The following TMEM156 variants were observed in gnomAD, a reference collection of about 807,000 sequenced individuals.
TMEM156 encodes the protein transmembrane protein 156.
In TMEM156, 28 loss-of-function variants were observed where a neutral mutation model predicts 30.5. The observed-to-expected ratio is 0.92, with a 90% CI of 0.68 to 1.26. TMEM156 has a LOEUF of 1.26. Among genes scored for constraint, TMEM156 ranks in the 50% most tolerant of loss-of-function variants. The pLI is 0.00. For missense variants in TMEM156, 351 were observed against 340.6 expected, an observed-to-expected ratio of 1.03 and a Z score of -0.24; for synonymous variants, 137 against 119.9, an observed-to-expected ratio of 1.14 and a Z score of -0.93.
At chr4:39,024,968 G>A (rs1437670541) in intron 1 of TMEM156, among the ~76,000 whole-genome samples, 1 of 152,124 alleles carries the variant, frequency 6.6e-6, no homozygotes, top group Non-Finnish European at 1.5e-5. Flanking sequence ...GTCAGGATAG[G>A]AGAAACCTTA....
At chr4:39,013,513 G>T (rs1003876924) in intron 1 of TMEM156, among the ~76,000 whole-genome samples, 12 of 151,718 alleles carry the variant, frequency 7.9e-5, no homozygotes, top group Non-Finnish European at 1.8e-4. Context: ...GATTTCCCCT[G>T]CCTCAGCCTC....
At chr4:39,018,332 C>A (rs1714636549) in intron 1 of TMEM156, among the ~76,000 whole-genome samples, 1 of 152,168 alleles carries the variant, frequency 6.6e-6, no homozygotes, top group Admixed American at 6.5e-5. Flanking sequence ...CTTGTTTTTT[C>A]ACTGACATAC....
intron 5 of TMEM156, among the ~76,000 whole-genome samples, chr4:38,976,472 G>C (rs566689361): frequency 6.6e-6 from 1 of 152,048 alleles, no homozygotes; most frequent in African/African-American, 2.4e-5. Context: ...CCGAGTGAGC[G>C]TAGATGCATA....
chr4:39,013,455 C>T (rs1265822313), intron 1 of TMEM156, among the ~76,000 whole-genome samples: 1 of 147,988 alleles, frequency 6.8e-6, no homozygotes, highest in Non-Finnish European at 1.5e-5. Context: ...GGCTGGAGTG[C>T]AGTGGCACGA....
At chr4:39,028,012 C>T (rs918798896) in intron 1 of TMEM156, among the ~76,000 whole-genome samples, 31 of 150,410 alleles carry the variant, frequency 2.1e-4, no homozygotes, top group African/African-American at 6.5e-4. Flanking sequence ...CCAGCTTGGC[C>T]TCCCAAAGTA....
At chr4:38,984,918 C>T (rs1267712365) in intron 5 of TMEM156, among the ~76,000 whole-genome samples, 3 of 152,170 alleles carry the variant, frequency 2.0e-5, no homozygotes, top group Non-Finnish European at 4.4e-5. Context: ...GTCACAGGCT[C>T]ATAAATACAA....
intron 1 of TMEM156, among the ~76,000 whole-genome samples, chr4:39,018,297 C>T (rs1714634164): frequency 6.6e-6 from 1 of 152,162 alleles, no homozygotes; most frequent in South Asian, 2.1e-4. Flanking sequence ...TTAAAGGTTA[C>T]TTTTATACAG....
chr4:39,016,754 T>G (rs953403083), intron 1 of TMEM156, among the ~76,000 whole-genome samples: 4 of 152,220 alleles, frequency 2.6e-5, no homozygotes, highest in African/African-American at 9.6e-5. Context: ...GAGAAGTATA[T>G]TAAAGATTGT....
intron 1 of TMEM156, among the ~76,000 whole-genome samples, chr4:39,021,625 C>G (rs1005115468): frequency 6.6e-6 from 1 of 152,114 alleles, no homozygotes; most frequent in African/African-American, 2.4e-5. Flanking sequence ...CTTTGCTATG[C>G]AGAAGATTTT....
intron 5 of TMEM156, among the ~76,000 whole-genome samples, chr4:38,982,071 G>A (rs985180218): frequency 3.3e-5 from 5 of 152,324 alleles, no homozygotes; most frequent in African/African-American, 1.2e-4. Context: ...AGGCAGACCT[G>A]CCCTCAATCT....
At chr4:38,988,709 A>G (rs1293698728) in intron 4 of TMEM156, 142 bp downstream of exon 4, 2 of 1,114,342 alleles carry the variant, frequency 1.8e-6, no homozygotes, top group Non-Finnish European at 2.6e-6. Flanking sequence ...ACTGTGTTTT[A>G]TCTACGTTTT....
At chr4:39,016,114 G>A (rs568367011) in intron 1 of TMEM156, among the ~76,000 whole-genome samples, 3 of 152,042 alleles carry the variant, frequency 2.0e-5, no homozygotes, top group Non-Finnish European at 2.9e-5. Context: ...GGTGGCTCAC[G>A]CCTGTAATCC....
At chr4:38,982,383 C>T (rs1711643373) in intron 5 of TMEM156, among the ~76,000 whole-genome samples, 1 of 152,178 alleles carries the variant, frequency 6.6e-6, no homozygotes, top group African/African-American at 2.4e-5. Flanking sequence ...TTTTCAAAAT[C>T]CCTTCTTCAA....
Position 39,026,358 on chromosome 4 carries a change from T to A in TMEM156, c.88+5868A>T, listed in dbSNP as rs189246943. Among the ~76,000 whole-genome samples the A allele has an allele frequency of 8.6e-3, 823 of 95,324 alleles. 8 individuals carry two copies. The highest frequency in any genetic ancestry group is 0.034 in the African/African-American group (749 of 21,974). 62.5% of individuals were successfully genotyped at this position (95,324 alleles called of 152,430 possible). ...GCAAGACCCTGTCTCTCTTAAAAAA[T>A]TTTTTTAAAAAATTAAAAAAAAAAG... On this transcript the variant is annotated intron_variant, in intron 1 of 6. Coordinates refer to ENST00000381938, the MANE Select transcript of TMEM156 (RefSeq NM_024943.3).
intron 1 of TMEM156, among the ~76,000 whole-genome samples, chr4:39,020,431 C>G (rs1714785526): frequency 6.6e-6 from 1 of 152,096 alleles, no homozygotes; most frequent in Non-Finnish European, 1.5e-5. Flanking sequence ...AGACAGGATC[C>G]TACTATGTTG....
At chr4:39,001,037 A>G (rs1347127071) in intron 1 of TMEM156, among the ~76,000 whole-genome samples, 1 of 152,130 alleles carries the variant, frequency 6.6e-6, no homozygotes, top group Non-Finnish European at 1.5e-5. Flanking sequence ...CCTATTTAGC[A>G]GTAATGATCA....
intron 1 of TMEM156, among the ~76,000 whole-genome samples, chr4:39,014,532 G>A (rs963045725): frequency 3.9e-5 from 6 of 152,048 alleles, no homozygotes; most frequent in Non-Finnish European, 8.8e-5. Context: ...GCGGAGGTGG[G>A]CAGATCACTT....
At chr4:38,976,403 A>T (rs1211639338) in intron 5 of TMEM156, among the ~76,000 whole-genome samples, 1 of 151,846 alleles carries the variant, frequency 6.6e-6, no homozygotes, top group Non-Finnish European at 1.5e-5. Flanking sequence ...CCTCCAGTGG[A>T]CAGCCGGGAA....
At chr4:38,976,890 T>TTTGTTGTTGTTGTTG (rs61299459) in intron 5 of TMEM156, among the ~76,000 whole-genome samples, 7 of 151,310 alleles carry the variant, frequency 4.6e-5, no homozygotes, top group East Asian at 3.9e-4. Flanking sequence ...ACATTGTTCT[T>TTTGTTGTTGTTGTTG]TTGTTGTTGT....
Sources: gnomAD v4.1 joint callset for allele counts (sites outside exome capture counted in the v4.1 genomes callset) on GRCh38, gnomAD v4.1.1 for gene constraint, MANE v1.5 for transcripts, NCBI Gene and HGNC (gene_info 2026-07-23, HGNC 2026-07-21) for gene names.